Variants in MARCHF8 observed in about 807,000 individuals in gnomAD.
MARCHF8 encodes the protein membrane associated ring-CH-type finger 8.
Under a neutral mutation model 51.6 loss-of-function variants are expected in MARCHF8, and 40 were observed. The ratio of observed to expected loss-of-function variants is 0.77; its 90% CI spans 0.60 to 1.01. MARCHF8 has a LOEUF of 1.01. Among genes scored for constraint, MARCHF8 ranks in the 50% least tolerant of loss-of-function variants. The pLI is 0.00. For synonymous variants in MARCHF8, 263 were observed against 280.3 expected, an observed-to-expected ratio of 0.94 and a Z score of 0.62; for missense variants, 685 against 708.6, an observed-to-expected ratio of 0.97 and a Z score of 0.38.
At chr10:45,502,555 G>T (rs1042729703) in intron 2 of MARCHF8, among the ~76,000 whole-genome samples, 1 of 152,086 alleles carries the variant, frequency 6.6e-6, no homozygotes, top group Non-Finnish European at 1.5e-5. Context: ...GAGAAAAAAA[G>T]GATGCATTAC....
At chr10:45,581,892 T>TA (rs1287332501) in intron 1 of MARCHF8, among the ~76,000 whole-genome samples, 1 of 144,148 alleles carries the variant, frequency 6.9e-6, no homozygotes, top group Non-Finnish European at 1.5e-5. Flanking sequence ...ACACAAGACT[T>TA]AAAGGAGTAA....
At chr10:45,475,407 G>A (rs1278488604) in intron 3 of MARCHF8, among the ~76,000 whole-genome samples, 1 of 83,328 alleles carries the variant, frequency 1.2e-5, no homozygotes, top group Non-Finnish European at 2.6e-5. Context: ...TGCATCCCCG[G>A]GGGGGGCTGA....
intron 1 of MARCHF8, among the ~76,000 whole-genome samples, chr10:45,582,574 A>G (rs909771811): frequency 1.3e-5 from 2 of 152,244 alleles, no homozygotes; most frequent in Admixed American, 6.5e-5. Flanking sequence ...TTTATAAATG[A>G]GTAAACAAGG....
In MARCHF8 at chr10:45,458,158, A is replaced by C; in HGVS notation, c.*81T>G. 7.3e-7 allele frequency: 1 copy of C among 1,377,538 alleles called. No homozygotes were observed. Among genetic ancestry groups the C allele is most frequent in the East Asian group, 2.3e-5 (1 of 43,730 alleles). 85.3% of individuals were successfully genotyped at this position (1,377,538 alleles called of 1,614,324 possible). ...TGTCCAGTCTATGCTATTAAAGGAC[A>C]TAAGAAAGGTATACAATTGGCAGTA... On this transcript the variant is annotated 3_prime_UTR_variant, in exon 8 of 8. Transcript: ENST00000453424.
At chr10:45,578,826 C>G (rs2044518649) in intron 1 of MARCHF8, among the ~76,000 whole-genome samples, 1 of 152,026 alleles carries the variant, frequency 6.6e-6, no homozygotes, top group African/African-American at 2.4e-5. Context: ...AAATTTCAGA[C>G]AAGTAAAAAG....
At chr10:45,492,077 A>G (rs577374978) in intron 2 of MARCHF8, among the ~76,000 whole-genome samples, 1 of 152,198 alleles carries the variant, frequency 6.6e-6, no homozygotes. Context: ...GCAAGCTTTT[A>G]TTTTGTTTTC....
At chr10:45,526,534 G>A (rs2043797014) in intron 2 of MARCHF8, among the ~76,000 whole-genome samples, 2 of 152,122 alleles carry the variant, frequency 1.3e-5, no homozygotes, top group South Asian at 4.1e-4. Flanking sequence ...CAGCCAACAA[G>A]CCAGGCTGAA....
intron 2 of MARCHF8, among the ~76,000 whole-genome samples, chr10:45,494,989 A>G (rs35488254): frequency 0.062 from 9,362 of 152,156 alleles, 328 homozygotes; most frequent in Non-Finnish European, 0.066. Flanking sequence ...GCGTGGTGGC[A>G]CATGCCTGTA....
At position 45,588,502 on chromosome 10, in the gene MARCHF8, T is replaced by A. The variant is rs566567106; in HGVS notation, c.-79+5733A>T. Among the ~76,000 whole-genome samples the A allele has an allele frequency of 7.7e-4, 117 of 152,350 alleles. 4 individuals carry two copies. The South Asian group carries it at 0.024, about 31-fold the overall frequency. Reference sequence around the variant, plus strand: ...AACCATACCAATATGTGAAATGTTATGTACTGCTATATTGTCTTAAAATTG... The same window carrying A: ...AACCATACCAATATGTGAAATGTTAAGTACTGCTATATTGTCTTAAAATTG... On this transcript the variant is annotated intron_variant, in intron 1 of 6. Transcript: ENST00000319836.
chr10:45,465,659 C>G (rs752691548), intron 3 of MARCHF8, among the ~76,000 whole-genome samples: 9 of 152,156 alleles, frequency 5.9e-5, no homozygotes, highest in Non-Finnish European at 1.0e-4. Flanking sequence ...GCTCCCACTC[C>G]CAGTGCAGAG....
At chr10:45,462,634 GT>G (rs147278638) in intron 5 of MARCHF8, among the ~76,000 whole-genome samples, 2 of 145,124 alleles carry the variant, frequency 1.4e-5, no homozygotes, top group African/African-American at 2.6e-5. Flanking sequence ...GTTTTGTTTT[GT>G]TTTTTTTTAG....
At chr10:45,583,069 A>G (rs2044573300) in intron 1 of MARCHF8, among the ~76,000 whole-genome samples, 1 of 152,356 alleles carries the variant, frequency 6.6e-6, no homozygotes, top group Middle Eastern at 3.4e-3. Context: ...TAAAATGTTT[A>G]GAAATATTAA....
At chr10:45,481,929 G>C (rs1005998567) in intron 3 of MARCHF8, among the ~76,000 whole-genome samples, 8 of 152,016 alleles carry the variant, frequency 5.3e-5, no homozygotes, top group South Asian at 2.1e-4. Flanking sequence ...AAACCTAAAG[G>C]CTCCATTAGA....
chr10:45,530,479 T>C (rs185223313), intron 2 of MARCHF8, among the ~76,000 whole-genome samples: 152 of 152,274 alleles, frequency 1.0e-3, no homozygotes, highest in African/African-American at 3.3e-3. Flanking sequence ...TGAAATAAAC[T>C]TTTACTTAAA....
At chr10:45,560,797 A>G (rs1197810956) in intron 1 of MARCHF8, among the ~76,000 whole-genome samples, 2 of 152,186 alleles carry the variant, frequency 1.3e-5, no homozygotes, top group African/African-American at 4.8e-5. Context: ...TGCTCCCTAG[A>G]ACTGTGTTGG....
At chr10:45,534,463 A>T (rs1387384681) in intron 1 of MARCHF8, among the ~76,000 whole-genome samples, 4 of 152,100 alleles carry the variant, frequency 2.6e-5, no homozygotes, top group African/African-American at 9.7e-5. Context: ...GTTTTCTCTT[A>T]CGCATCCCCC....
chr10:45,506,382 C>A (rs1182442488), intron 2 of MARCHF8, among the ~76,000 whole-genome samples: 1 of 152,140 alleles, frequency 6.6e-6, no homozygotes, highest in African/African-American at 2.4e-5. Flanking sequence ...TACAGGTTTA[C>A]TGATTGAATA....
chr10:45,458,590 G>A (rs1278588187), intron 7 of MARCHF8, 47 bp from the exon 8 acceptor site: 2 of 1,510,114 alleles, frequency 1.3e-6, no homozygotes, highest in African/African-American at 1.4e-5. Flanking sequence ...AAGATATGAA[G>A]TAAAGAAAAA....
chr10:45,583,857 T>C (rs1451754830), intron 1 of MARCHF8, among the ~76,000 whole-genome samples: 3 of 151,514 alleles, frequency 2.0e-5, no homozygotes, highest in Admixed American at 2.0e-4. Context: ...CAAAAAAGAA[T>C]GGAGGGAAGG....
Sources: gnomAD v4.1 joint callset for allele counts (sites outside exome capture counted in the v4.1 genomes callset) on GRCh38, gnomAD v4.1.1 for gene constraint, MANE v1.5 for transcripts, NCBI Gene and HGNC (gene_info 2026-07-23, HGNC 2026-07-21) for gene names.